Variants in MARK1 observed in about 807,000 individuals in gnomAD.
MARK1 encodes microtubule affinity regulating kinase 1.
MARK1 carries 40 observed loss-of-function variants against 96.3 expected under a neutral mutation model. That is an observed-to-expected ratio of 0.42 (90% CI 0.32 to 0.54). The LOEUF is 0.54. Among genes scored for constraint, MARK1 ranks in the 20% least tolerant of loss-of-function variants. The pLI, the probability that MARK1 is intolerant of heterozygous loss-of-function variation, is 0.16. For missense variants in MARK1, 719 were observed against 984.6 expected (o/e 0.73, Z 3.61); for synonymous variants, 317 against 341.2 (o/e 0.93, Z 0.78).
At chr1:220,625,773 T>A in intron 9 of MARK1, 2 of 452,168 alleles carry the variant, frequency 4.4e-6, no homozygotes, top group South Asian at 3.3e-5. Flanking sequence ...GAGGAAAGTC[T>A]GTTACTACTA....
chr1:220,566,753 T>A (rs942570390), intron 1 of MARK1, among the ~76,000 whole-genome samples: 1 of 152,174 alleles, frequency 6.6e-6, no homozygotes, highest in Non-Finnish European at 1.5e-5. Context: ...AGAAAGTAGG[T>A]AAGTAGTTTC....
intron 1 of MARK1, among the ~76,000 whole-genome samples, chr1:220,568,789 A>G (rs61571004): frequency 0.011 from 1,709 of 152,238 alleles, 25 homozygotes; most frequent in African/African-American, 0.039. Flanking sequence ...TACCATACAT[A>G]CATAACCAGC....
intron 9 of MARK1, among the ~76,000 whole-genome samples, chr1:220,630,634 A>G (rs1430276377): frequency 2.6e-5 from 4 of 152,336 alleles, no homozygotes; most frequent in East Asian, 1.9e-4. Context: ...ATATTTTAGT[A>G]AATGATGATT....
intron 3 of MARK1, among the ~76,000 whole-genome samples, chr1:220,587,790 G>T (rs1384037547): frequency 1.3e-5 from 2 of 151,836 alleles, no homozygotes; most frequent in Non-Finnish European, 2.9e-5. Flanking sequence ...GGATTTTATT[G>T]TTCTATGTAT....
rs1490686236 is a variant in MARK1, at chr1:220,528,654, C to T, written c.-169C>T. On this transcript the variant is annotated 5_prime_UTR_variant, in exon 1 of 18. Coordinates refer to ENST00000366917, the MANE Select transcript of MARK1 (RefSeq NM_018650.5). ...GCTCCCCCTCCTCTTCCTCCGCGTCCTCTTCCCTCTTTCCCCCGCCGGGGC... is the reference window on the plus strand; with the variant it reads ...GCTCCCCCTCCTCTTCCTCCGCGTCTTCTTCCCTCTTTCCCCCGCCGGGGC... 5.6e-6 allele frequency: 3 copies of T among 537,806 alleles called. No homozygotes were observed. Among genetic ancestry groups the T allele is most frequent in the Non-Finnish European group, 9.7e-6 (3 of 310,270 alleles). The allele number at this position is 537,806 out of a possible 1,614,324, so 33.3% of individuals were successfully genotyped here. A position where few individuals can be genotyped will look rare whatever the true frequency, so the allele number is the denominator to read the frequency against.
chr1:220,645,485 A>G (rs566347458), intron 13 of MARK1, among the ~76,000 whole-genome samples: 6 of 152,374 alleles, frequency 3.9e-5, no homozygotes, highest in African/African-American at 1.4e-4. Context: ...TAATAGAGGT[A>G]CAAAGAGGAG....
chr1:220,637,115 T>C (rs1039399123), intron 13 of MARK1, among the ~76,000 whole-genome samples: 13 of 152,182 alleles, frequency 8.5e-5, no homozygotes, highest in African/African-American at 2.4e-4. Context: ...TACTACACGG[T>C]GACCATTTGA....
At chr1:220,633,487 C>T (rs562473709) in intron 11 of MARK1, among the ~76,000 whole-genome samples, 3 of 152,130 alleles carry the variant, frequency 2.0e-5, no homozygotes, top group Non-Finnish European at 2.9e-5. Flanking sequence ...GTACCAGAAA[C>T]GATGCTGTGT....
chr1:220,630,895 T>A (rs1667644961), intron 9 of MARK1, 140 bp from the exon 10 acceptor site: 2 of 610,668 alleles, frequency 3.3e-6, no homozygotes, highest in East Asian at 5.6e-5. Flanking sequence ...CTTACACCTC[T>A]TTTTGGCCCA....
At chr1:220,603,567 G>A (rs1008976698) in intron 5 of MARK1, among the ~76,000 whole-genome samples, 4 of 152,140 alleles carry the variant, frequency 2.6e-5, no homozygotes, top group African/African-American at 9.6e-5. Flanking sequence ...TAAACACAGA[G>A]TATAGGAAAG....
chr1:220,615,035 T>C (rs1418972713), intron 6 of MARK1, among the ~76,000 whole-genome samples: 1 of 152,202 alleles, frequency 6.6e-6, no homozygotes, highest in East Asian at 1.9e-4. Flanking sequence ...TCCACAGAAC[T>C]GAATGTTCTG....
chr1:220,644,324 G>T (rs1480517791), intron 13 of MARK1, among the ~76,000 whole-genome samples: 1 of 151,886 alleles, frequency 6.6e-6, no homozygotes, highest in Non-Finnish European at 1.5e-5. Flanking sequence ...ACCAAGAAGG[G>T]CATTACATAA....
At chr1:220,599,217 T>A (rs1293556922) in intron 4 of MARK1, among the ~76,000 whole-genome samples, 1 of 152,188 alleles carries the variant, frequency 6.6e-6, no homozygotes, top group East Asian at 1.9e-4. Context: ...TATGAAATCA[T>A]TTGATTGTGA....
chr1:220,658,371 C>T (rs900473352), intron 17 of MARK1, among the ~76,000 whole-genome samples: 2 of 152,142 alleles, frequency 1.3e-5, no homozygotes, highest in African/African-American at 4.8e-5. Flanking sequence ...ATCAGAATTA[C>T]AGGGAAGGCT....
At chr1:220,551,719 TAA>T (rs922439573) in intron 1 of MARK1, among the ~76,000 whole-genome samples, 6 of 152,280 alleles carry the variant, frequency 3.9e-5, no homozygotes, top group Admixed American at 3.9e-4. Flanking sequence ...AAGAATTGGT[TAA>T]TATATATGCA....
In MARK1 at chr1:220,585,944, C is replaced by T. The variant is rs569959852; in HGVS notation, c.309+4826C>T. Among the ~76,000 whole-genome samples the T allele has an allele frequency of 3.3e-3, 501 of 151,894 alleles. 1 individual carries two copies. The highest frequency in any genetic ancestry group is 6.0e-3 in the South Asian group (29 of 4,812). On this transcript the variant is annotated intron_variant, in intron 3 of 17. Transcript: ENST00000366917. ...CCAGTTTAGACAAAGTCACTGTTAT[C>T]TTCTTGTAGCCTTCCAACTGCATCC...
intron 6 of MARK1, among the ~76,000 whole-genome samples, chr1:220,614,246 C>T (rs1227689150): frequency 6.6e-6 from 1 of 151,958 alleles, no homozygotes; most frequent in African/African-American, 2.4e-5. Flanking sequence ...TGGCCTCAAG[C>T]GATCATCCTC....
At chr1:220,652,253 TAAG>T (rs1677959114) in intron 15 of MARK1, 103 bp downstream of exon 15, 1 of 878,538 alleles carries the variant, frequency 1.1e-6, no homozygotes, top group Non-Finnish European at 1.6e-6. Context: ...ACCTTTCTAA[TAAG>T]ATTCAGTGTT....
At chr1:220,643,554 T>A (rs1668401916) in intron 13 of MARK1, among the ~76,000 whole-genome samples, 1 of 151,886 alleles carries the variant, frequency 6.6e-6, no homozygotes, top group Admixed American at 6.6e-5. Flanking sequence ...AGGCCAACAT[T>A]CAGATTCAGA....
Sources: allele counts gnomAD v4.1 joint callset (sites outside exome capture counted in the v4.1 genomes callset), GRCh38; gene constraint gnomAD v4.1.1; transcripts MANE v1.5; gene names NCBI Gene and HGNC (gene_info 2026-07-23, HGNC 2026-07-21).